MAN1A2: variants seen among roughly 807,000 people sequenced by gnomAD.
MAN1A2 encodes the protein mannosyl-oligosaccharide 1,2-alpha-mannosidase IB.
In MAN1A2, 26 loss-of-function variants were observed where a neutral mutation model predicts 75.7. The ratio of observed to expected loss-of-function variants is 0.34; its 90% CI spans 0.25 to 0.48. MAN1A2 has a LOEUF of 0.48. MAN1A2 is among the 20% of genes least tolerant of loss of function. MAN1A2 has a pLI of 0.99. For missense variants in MAN1A2, 562 were observed against 775.5 expected, an observed-to-expected ratio of 0.72 and a Z score of 3.27; for synonymous variants, 247 against 264.6, an observed-to-expected ratio of 0.93 and a Z score of 0.65.
intron 8 of MAN1A2, among the ~76,000 whole-genome samples, chr1:117,482,270 C>G (rs762806578): frequency 2.7e-4 from 41 of 151,942 alleles, no homozygotes; most frequent in South Asian, 2.1e-3. Flanking sequence ...AATTCTAGTT[C>G]TAGATCACTG....
chr1:117,448,130 C>T (rs1375038619), intron 6 of MAN1A2, among the ~76,000 whole-genome samples: 1 of 152,082 alleles, frequency 6.6e-6, no homozygotes, highest in Non-Finnish European at 1.5e-5. Flanking sequence ...TGAAGAGGCC[C>T]TTCACTTCCC....
At position 117,522,895 on chromosome 1, in the gene MAN1A2, C is replaced by T; in HGVS notation, c.1864C>T (p.His622Tyr). The part of the protein sequence containing the change: ...LDHWVFNTEA[H>Y]PLPVLHLANT... ...CCACTGGGTGTTTAATACAGAGGCT[C>T]ACCCTCTGCCTGTGTTACATTTAGC... Residue 622 changes from histidine to tyrosine, a missense_variant, in exon 13 of 13, where the codon CAC becomes TAC. By Grantham distance (83) the His-to-Tyr change is moderately conservative. Around this residue, in one of 2 missense-constraint regions of MAN1A2, gnomAD observed 434 missense variants for 645.7 expected, o/e 0.67. Transcript: ENST00000356554. 1 of 1,610,846 alleles carries T rather than the reference C, an allele frequency of 6.2e-7. No homozygotes were observed. Among genetic ancestry groups the T allele is most frequent in the Non-Finnish European group, 8.5e-7 (1 of 1,177,600 alleles).
intron 5 of MAN1A2, among the ~76,000 whole-genome samples, chr1:117,430,002 CCCGGACAGGGCGG>C (rs1648556393): frequency 1.8e-5 from 1 of 56,690 alleles, no homozygotes; most frequent in Non-Finnish European, 3.7e-5. Context: ...CCACCTCCCT[CCCGGACAGGGCGG>C]CTGGCCGGGT....
intron 1 of MAN1A2, among the ~76,000 whole-genome samples, chr1:117,370,300 G>A (rs1350358055): frequency 6.6e-6 from 1 of 152,170 alleles, no homozygotes; most frequent in Non-Finnish European, 1.5e-5. Context: ...TGGCTAGTAA[G>A]AGTCTGGATA....
At chr1:117,418,790 T>C (rs1489687869) in intron 4 of MAN1A2, among the ~76,000 whole-genome samples, 1 of 152,156 alleles carries the variant, frequency 6.6e-6, no homozygotes, top group Non-Finnish European at 1.5e-5. Context: ...TTTGTTTCTG[T>C]AGTGAAGGAA....
At chr1:117,425,745 C>G (rs953708709) in intron 5 of MAN1A2, among the ~76,000 whole-genome samples, 7 of 152,104 alleles carry the variant, frequency 4.6e-5, no homozygotes, top group African/African-American at 1.7e-4. Flanking sequence ...TAACAATATT[C>G]TTTTTATCTT....
chr1:117,480,569 G>A (rs1031175162), intron 8 of MAN1A2, among the ~76,000 whole-genome samples: 1 of 151,700 alleles, frequency 6.6e-6, no homozygotes, highest in African/African-American at 2.4e-5. Flanking sequence ...TTCCTATTAT[G>A]TTATTTTTCC....
At chr1:117,469,015 A>T (rs1403683924) in intron 8 of MAN1A2, among the ~76,000 whole-genome samples, 3 of 152,144 alleles carry the variant, frequency 2.0e-5, no homozygotes, top group Non-Finnish European at 4.4e-5. Flanking sequence ...CAGAAAAGTA[A>T]ATCACAGTTT....
intron 8 of MAN1A2, among the ~76,000 whole-genome samples, chr1:117,476,006 C>T (rs984339663): frequency 6.6e-6 from 1 of 152,128 alleles, no homozygotes; most frequent in Admixed American, 6.6e-5. Context: ...TCCTATTTTT[C>T]CACAACCTCT....
intron 6 of MAN1A2, among the ~76,000 whole-genome samples, chr1:117,452,359 A>C (rs919713808): frequency 6.6e-6 from 1 of 152,148 alleles, no homozygotes; most frequent in Non-Finnish European, 1.5e-5. Context: ...AGGCATGTGA[A>C]GTAATTAAGC....
At position 117,499,404 on chromosome 1, in the gene MAN1A2, A is replaced by T; in HGVS notation, c.1527A>T (p.Ser509=). 1 of 1,595,622 alleles carries T rather than the reference A, an allele frequency of 6.3e-7. No individual in the cohort carries two copies. The highest frequency in any genetic ancestry group is 1.4e-5 in the African/African-American group (1 of 73,554). Residue 509 remains serine (S), a synonymous_variant, in exon 11 of 13, where the codon TCA becomes TCT. Coordinates refer to ENST00000356554, the MANE Select transcript of MAN1A2 (RefSeq NM_006699.5). ...CAGCATTAAAGCTAGGTCCTGAATC[A>T]TTCAAGTTTGATGGTGCAGTGGAGG... is the stretch of plus-strand genomic sequence containing the variant. ...DRTALKLGPE[S]FKFDGAVEAV...
In MAN1A2 at chr1:117,368,445, G is replaced by A; in HGVS notation, c.262G>A (p.Gly88Arg). 1 of 1,613,596 alleles carries A rather than the reference G, an allele frequency of 6.2e-7. No homozygotes were observed. Among genetic ancestry groups the A allele is most frequent in the Non-Finnish European group, 8.5e-7 (1 of 1,179,914 alleles). ...VDAGKGAKNP[G>R]VFLIHGPDEH... ...TGCCGGTAAAGGGGCTAAAAACCCC[G>A]GAGTCTTCCTGATCCATGGACCCGA... is the stretch of plus-strand genomic sequence containing the variant. The change falls in exon 1 of 13, where the codon GGA becomes AGA. Residue 88 changes from glycine to arginine, a missense_variant. Physicochemically the swap from Gly to Arg is moderately radical, Grantham distance 125 (BLOSUM62 -2). Around this residue, in one of 2 missense-constraint regions of MAN1A2, gnomAD observed 128 missense variants for 129.8 expected, o/e 0.99. Coordinates refer to ENST00000356554, the MANE Select transcript of MAN1A2 (RefSeq NM_006699.5).
At chr1:117,420,456 G>T in intron 4 of MAN1A2, 113 bp from the exon 5 acceptor site, 1 of 744,344 alleles carries the variant, frequency 1.3e-6, no homozygotes. Context: ...GATGCAGAAA[G>T]TAGAAAAATA....
At chr1:117,426,474 C>T (rs1648377424) in intron 5 of MAN1A2, among the ~76,000 whole-genome samples, 1 of 152,050 alleles carries the variant, frequency 6.6e-6, no homozygotes, top group African/African-American at 2.4e-5. Flanking sequence ...CTGATAAACC[C>T]ATTGCAAATT....
rs777017813 is a variant in MAN1A2, at chr1:117,405,644, T to C, written c.654T>C (p.Phe218=). ...GGAAAGGACACTCCCCTAACATATT[T>C]GGTAAGTTTACTTTTTCTAATTACT... is the stretch of plus-strand genomic sequence containing the variant. ...IARKGHSPNI[F]GSSQMGATIV... The change falls in exon 3 of 13, where the codon TTT becomes TTC. Residue 218 remains phenylalanine (F), a splice_region_variant and synonymous_variant. Transcript: ENST00000356554. The C allele has an allele frequency of 3.2e-6, 5 of 1,565,592 alleles. No homozygotes were observed. Among genetic ancestry groups the C allele is most frequent in the Non-Finnish European group, 4.4e-6 (5 of 1,137,822 alleles).
Position 117,368,167 on chromosome 1 carries a change from C to T in MAN1A2, c.-17C>T, listed in dbSNP as rs1292970597. On this transcript the variant is annotated 5_prime_UTR_variant, in exon 1 of 13. Transcript: ENST00000356554. ...AGATGAGAACTTTCTAAAGTATTCT[C>T]TCCAAGAGCGTAAACGATGACTACC... 1.3e-6 allele frequency: 2 copies of T among 1,596,970 alleles called. No individual in the cohort carries two copies. Among genetic ancestry groups the T allele is most frequent in the Admixed American group, 1.8e-5 (1 of 57,064 alleles).
rs550963576 is a variant in MAN1A2 at position 117,425,117 on chromosome 1, G to A, written c.855+4468G>A. 8.3e-5 allele frequency among the ~76,000 whole-genome samples: 12 copies of A among 145,016 alleles called. No individual in the cohort carries two copies. The East Asian group carries it at 2.5e-3, about 30-fold the overall frequency. On this transcript the variant is annotated intron_variant, in intron 5 of 12. Transcript: ENST00000356554. ...GAAAAGGAGGGGGAAGGGAGGAGAA[G>A]GGAAAGGGGGAAGGAAGGGGAAAGG...
chr1:117,373,678 A>G (rs1460136894), intron 1 of MAN1A2, among the ~76,000 whole-genome samples: 2 of 152,008 alleles, frequency 1.3e-5, no homozygotes. Flanking sequence ...TAATTTTTGT[A>G]GAGATAGGGT....
intron 5 of MAN1A2, among the ~76,000 whole-genome samples, chr1:117,433,995 A>T (rs915667027): frequency 1.3e-5 from 2 of 152,188 alleles, no homozygotes; most frequent in Non-Finnish European, 2.9e-5. Flanking sequence ...AAGGTAATAG[A>T]TGGAATGGAG....
Sources: gnomAD v4.1 joint callset for allele counts (sites outside exome capture counted in the v4.1 genomes callset) on GRCh38, gnomAD v4.1.1 for gene constraint, gnomAD v4.1.1 regional missense constraint, MANE v1.5 for transcripts, NCBI Gene and HGNC (gene_info 2026-07-23, HGNC 2026-07-21) for gene names.